CNTNAP3B: variants seen among roughly 807,000 people sequenced by gnomAD.
The protein encoded by CNTNAP3B is contactin-associated protein-like 3B.
CNTNAP3B carries 25 observed loss-of-function variants against 108.9 expected under a neutral mutation model. The ratio of observed to expected loss-of-function variants is 0.23; its 90% CI spans 0.17 to 0.32. CNTNAP3B has a LOEUF of 0.32. Ranked by LOEUF, CNTNAP3B falls within the 10% of genes least tolerant of loss-of-function variation. CNTNAP3B has a pLI of 1.00. For synonymous variants in CNTNAP3B, 103 were observed against 473.4 expected (o/e 0.22, Z 10.16); for missense variants, 252 against 1,210.4 (o/e 0.21, Z 11.75).
rs1828316958 is a variant in CNTNAP3B at position 42,116,362 on chromosome 9, C to T, written c.86-11623G>A. ...CTACAAGCCAGAAGAGAGTGGGGGCCAATATTCAACATTCTTAAAGAAAAG... is the reference window on the plus strand; with the variant it reads ...CTACAAGCCAGAAGAGAGTGGGGGCTAATATTCAACATTCTTAAAGAAAAG... On this transcript the variant is annotated intron_variant, in intron 1 of 23. Coordinates refer to ENST00000377561, the MANE Select transcript of CNTNAP3B (RefSeq NM_001201380.3). Among the ~76,000 whole-genome samples, 2 of 128,900 alleles carry T rather than the reference C, an allele frequency of 1.6e-5. 1 individual carries two copies. Among genetic ancestry groups the T allele is most frequent in the Non-Finnish European group, 3.2e-5 (2 of 61,674 alleles). The allele number at this position is 128,900 out of a possible 152,430, so 84.6% of individuals were successfully genotyped here.
rs539633187 is a variant in CNTNAP3B at position 42,096,533 on chromosome 9, C to T, written c.196+8096G>A. On this transcript the variant is annotated intron_variant, in intron 2 of 23. Transcript: ENST00000377561. ...AGACAATCTGAGTTAGGAGCAAAGA[C>T]GGAGGTCTGAGGGCACTGGCGAAAA... 3.2e-4 allele frequency among the ~76,000 whole-genome samples: 43 copies of T among 133,804 alleles called. 5 individuals are homozygous for T. Among genetic ancestry groups the T allele is most frequent in the African/African-American group, 1.1e-3 (36 of 32,886 alleles). The allele number at this position is 133,804 out of a possible 152,430, so 87.8% of individuals were successfully genotyped here. A position where few individuals can be genotyped will look rare whatever the true frequency, so the allele number is the denominator to read the frequency against.
intron 11 of CNTNAP3B, among the ~76,000 whole-genome samples, chr9:41,963,658 C>G (rs1409518921): frequency 2.0e-5 from 3 of 151,734 alleles, no homozygotes; most frequent in East Asian, 3.9e-4. Context: ...TTGGGTAAGG[C>G]CTGAGAGTCT....
chr9:41,931,944 G>A (rs1006351631), intron 14 of CNTNAP3B, among the ~76,000 whole-genome samples: 28 of 152,052 alleles, frequency 1.8e-4, no homozygotes, highest in Non-Finnish European at 3.4e-4. Context: ...ATGTGTAAAT[G>A]AAATCCACAT....
chr9:42,125,631 G>GA (rs199860652), intron 1 of CNTNAP3B, among the ~76,000 whole-genome samples: 1,780 of 137,008 alleles, frequency 0.013, 256 homozygotes, highest in Non-Finnish European at 0.02. Context: ...AGAGTTTGGT[G>GA]AAAATGAATA....
At chr9:41,963,088 C>T (rs1191281806) in intron 11 of CNTNAP3B, among the ~76,000 whole-genome samples, 1 of 152,278 alleles carries the variant, frequency 6.6e-6, no homozygotes, top group African/African-American at 2.4e-5. Flanking sequence ...CTCTTTTGCC[C>T]AGATCCTTTA....
intron 13 of CNTNAP3B, among the ~76,000 whole-genome samples, chr9:41,942,326 T>C (rs1483898015): frequency 6.6e-6 from 1 of 151,948 alleles, no homozygotes; most frequent in South Asian, 2.1e-4. Context: ...ATACAAAAAA[T>C]TGGGTCGGGT....
intron 18 of CNTNAP3B, among the ~76,000 whole-genome samples, chr9:41,915,641 C>A (rs1200561794): frequency 2.8e-5 from 4 of 142,286 alleles, no homozygotes; most frequent in Non-Finnish European, 6.1e-5. Flanking sequence ...TGAGAAAGTT[C>A]CCTTCTATTC....
chr9:42,046,520 GTTTTGT>G (rs1306469729), intron 3 of CNTNAP3B, among the ~76,000 whole-genome samples: 1 of 125,724 alleles, frequency 8.0e-6, no homozygotes, highest in African/African-American at 3.2e-5. Context: ...GGAAGACAAG[GTTTTGT>G]TTTTGTTTCT....
chr9:41,979,103 T>C (rs1825574556), intron 9 of CNTNAP3B, among the ~76,000 whole-genome samples: 1 of 135,572 alleles, frequency 7.4e-6, no homozygotes, highest in Non-Finnish European at 1.6e-5. Flanking sequence ...GCCTCTGTCT[T>C]CCTGAGGCGT....
At position 42,079,703 on chromosome 9, in the gene CNTNAP3B, G is replaced by A. The variant is rs551323619; in HGVS notation, c.197-2641C>T. 6.3e-3 allele frequency among the ~76,000 whole-genome samples: 859 copies of A among 137,316 alleles called. 175 individuals are homozygous for A. The highest frequency in any genetic ancestry group is 0.024 in the African/African-American group (818 of 34,282). 90.1% of individuals were successfully genotyped at this position (137,316 alleles called of 152,430 possible). A position where few individuals can be genotyped will look rare whatever the true frequency, so the allele number is the denominator to read the frequency against. ...CGCCCAGCTAATTTTTGTATTTTTA[G>A]TAGAGACGGGGTTTCACCACGTTGG... On this transcript the variant is annotated intron_variant, in intron 2 of 23. Transcript: ENST00000377561.
chr9:41,963,200 A>G (rs928911101), intron 11 of CNTNAP3B, among the ~76,000 whole-genome samples: 2 of 152,290 alleles, frequency 1.3e-5, no homozygotes, highest in Admixed American at 1.3e-4. Flanking sequence ...GTGAAAATCA[A>G]ATGTCTCATG....
chr9:41,969,337 C>T (rs1157583157), intron 10 of CNTNAP3B, among the ~76,000 whole-genome samples: 1 of 149,466 alleles, frequency 6.7e-6, no homozygotes, highest in Non-Finnish European at 1.5e-5. Flanking sequence ...TGTCCTTCTG[C>T]ACACATCTTC....
chr9:41,963,397 C>T (rs1177507331), intron 11 of CNTNAP3B, among the ~76,000 whole-genome samples: 3 of 151,382 alleles, frequency 2.0e-5, no homozygotes, highest in Non-Finnish European at 4.4e-5. Flanking sequence ...AAAAAAAAGG[C>T]TTTTCAGATT....
intron 3 of CNTNAP3B, among the ~76,000 whole-genome samples, chr9:42,032,820 CT>C (rs1443821064): frequency 7.3e-6 from 1 of 136,456 alleles, no homozygotes; most frequent in African/African-American, 2.9e-5. Flanking sequence ...TGAGGGCTTT[CT>C]TCCTGGCTTG....
chr9:41,918,328 A>G (rs1339694911), intron 18 of CNTNAP3B, among the ~76,000 whole-genome samples: 1 of 148,944 alleles, frequency 6.7e-6, no homozygotes, highest in Non-Finnish European at 1.5e-5. Flanking sequence ...AGGCTAATCC[A>G]AAGTGGTATC....
chr9:42,051,749 G>T (rs1486616595), intron 3 of CNTNAP3B, among the ~76,000 whole-genome samples: 177 of 150,794 alleles, frequency 1.2e-3, no homozygotes, highest in Non-Finnish European at 2.1e-3. Context: ...GAGAAGCAAG[G>T]ATGGAAAAAA....
In CNTNAP3B at chr9:42,125,665, GT is replaced by G. The variant is rs200934708; in HGVS notation, c.85+3344del. ...TAAAGGCATGTGAACTACATTTTTT[GT>G]TTTTTTTTTTTTGTTTTTTTTTGAG... On this transcript the variant is annotated intron_variant, in intron 1 of 23. Coordinates refer to ENST00000377561, the MANE Select transcript of CNTNAP3B (RefSeq NM_001201380.3). 6.7e-4 allele frequency among the ~76,000 whole-genome samples: 80 copies of G among 118,956 alleles called. 8 individuals carry two copies. The highest frequency in any genetic ancestry group is 1.6e-3 in the East Asian group (6 of 3,856). The allele number at this position is 118,956 out of a possible 152,430, so 78.0% of individuals were successfully genotyped here.
At chr9:41,921,492 T>A (rs1353899332) in intron 17 of CNTNAP3B, among the ~76,000 whole-genome samples, 7 of 149,280 alleles carry the variant, frequency 4.7e-5, no homozygotes, top group Admixed American at 2.7e-4. Context: ...GTAAATTAGG[T>A]TGGGTGATAA....
At chr9:41,957,904 G>A (rs1018555132) in intron 12 of CNTNAP3B, among the ~76,000 whole-genome samples, 6 of 150,850 alleles carry the variant, frequency 4.0e-5, no homozygotes, top group Non-Finnish European at 8.9e-5. Context: ...GGGACTACAG[G>A]CACCCGCCAC....
Sources: gnomAD v4.1 joint callset for allele counts (sites outside exome capture counted in the v4.1 genomes callset) on GRCh38, gnomAD v4.1.1 for gene constraint, MANE v1.5 for transcripts, NCBI Gene and HGNC (gene_info 2026-07-23, HGNC 2026-07-21) for gene names.